CLCN5: variants seen among roughly 807,000 people sequenced by gnomAD.
CLCN5 encodes the protein Cl-/H+ antiporter 5, also known as H(+)/Cl(-) exchange transporter 5.
In CLCN5, 17 loss-of-function variants were observed where a neutral mutation model predicts 54.0. The ratio of observed to expected loss-of-function variants is 0.31; its 90% CI spans 0.22 to 0.47. CLCN5 has a LOEUF of 0.47. CLCN5 is among the 20% of genes least tolerant of loss of function. The pLI, the probability that CLCN5 is intolerant of heterozygous loss-of-function variation, is 1.00. For missense variants in CLCN5, 448 were observed against 646.7 expected, an observed-to-expected ratio of 0.69 and a Z score of 3.33; for synonymous variants, 222 against 233.0, an observed-to-expected ratio of 0.95 and a Z score of 0.43.
intron 3 of CLCN5, among the ~76,000 whole-genome samples, chrX:49,966,151 T>G (rs1215257939): frequency 1.8e-5 from 2 of 111,584 alleles, no homozygotes; most frequent in African/African-American, 3.3e-5. Flanking sequence ...ACTAGTATTA[T>G]TTCTTCCTTC....
At chrX:49,992,648 G>A (rs1426063540) in intron 3 of CLCN5, among the ~76,000 whole-genome samples, 1 of 111,468 alleles carries the variant, frequency 9.0e-6, no homozygotes, top group Non-Finnish European at 1.9e-5. Flanking sequence ...CTGAGTGTTC[G>A]GCATGTTGTT....
In CLCN5 at chrX:50,059,061, A is replaced by T. The variant is rs782592061; in HGVS notation, c.164-10818A>T. ...CATTCTTGACAGTTAATTTTTAAAA[A>T]TTTATTTTCTTTCTATTAAGTTTTA... On this transcript the variant is annotated intron_variant, in intron 4 of 14. Coordinates refer to ENST00000376091, the MANE Select transcript of CLCN5 (RefSeq NM_001127898.4). 8.9e-5 allele frequency among the ~76,000 whole-genome samples: 10 copies of T among 111,895 alleles called. No homozygotes were observed. In the South Asian group the frequency reaches 3.7e-3, roughly 42 times the overall value.
intron 4 of CLCN5, among the ~76,000 whole-genome samples, chrX:50,046,867 A>G (rs1319973733): frequency 9.0e-5 from 10 of 110,883 alleles, no homozygotes; most frequent in Non-Finnish European, 1.3e-4. Context: ...GTTCTGGACA[A>G]ATTTCAGAGG....
chrX:49,977,195 TTTTGAGGG>T (rs1265808301), intron 3 of CLCN5, among the ~76,000 whole-genome samples: 1 of 110,608 alleles, frequency 9.0e-6, no homozygotes, highest in Non-Finnish European at 1.9e-5. Context: ...AGTGTATCTA[TTTTGAGGG>T]AGGGGGAATT....
intron 3 of CLCN5, among the ~76,000 whole-genome samples, chrX:49,951,840 C>G (rs1167647299): frequency 9.0e-6 from 1 of 111,591 alleles, no homozygotes; most frequent in African/African-American, 3.3e-5. Flanking sequence ...GGTCAGATAC[C>G]TTGACATGTG....
chrX:49,961,034 C>T (rs782435368), intron 3 of CLCN5, among the ~76,000 whole-genome samples: 1 of 111,602 alleles, frequency 9.0e-6, no homozygotes, highest in East Asian at 2.8e-4. Context: ...TTATGTGTCC[C>T]AAGACACGCA....
chrX:49,955,062 G>A (rs189456746), intron 3 of CLCN5, among the ~76,000 whole-genome samples: 17 of 110,665 alleles, frequency 1.5e-4, no homozygotes, highest in African/African-American at 5.6e-4. Context: ...TTACTAACTC[G>A]CCTTTCATGT....
At chrX:50,019,335 A>G (rs1930948666) in intron 3 of CLCN5, among the ~76,000 whole-genome samples, 1 of 110,524 alleles carries the variant, frequency 9.0e-6, no homozygotes, top group Non-Finnish European at 1.9e-5. Context: ...ATGTAATTAT[A>G]CATATTTGTG....
intron 5 of CLCN5, among the ~76,000 whole-genome samples, chrX:50,070,604 A>G (rs782187197): frequency 9.8e-5 from 11 of 112,327 alleles, no homozygotes; most frequent in Middle Eastern, 4.7e-3. Flanking sequence ...ACTCCTTGTG[A>G]TTATTGATCT....
At chrX:50,003,475 T>A in intron 3 of CLCN5, 1 of 382,308 alleles carries the variant, frequency 2.6e-6, no homozygotes, top group Non-Finnish European at 5.2e-6. Flanking sequence ...CATACCCATA[T>A]GTCGTGCCAA....
Position 50,093,894 on chromosome X carries a change from C to T in CLCN5, c.*1675C>T, listed in dbSNP as rs1389105163. On this transcript the variant is annotated 3_prime_UTR_variant, in exon 15 of 15. Coordinates refer to ENST00000376091, the MANE Select transcript of CLCN5 (RefSeq NM_001127898.4). ...TGCTGCTGCCATGCCTCCATTTCCA[C>T]ACTGGATGCCTACGGCAGTGAGATT... The T allele has an allele frequency of 8.9e-6, 1 of 111,831 alleles. No individual in the cohort carries two copies. Among genetic ancestry groups the T allele is most frequent in the Non-Finnish European group, 1.9e-5 (1 of 53,212 alleles). The allele number at this position is 111,831 out of a possible 1,213,427, so 9.2% of individuals were successfully genotyped here.
intron 3 of CLCN5, among the ~76,000 whole-genome samples, chrX:50,012,942 G>A (rs1930584917): frequency 8.9e-6 from 1 of 111,854 alleles, no homozygotes; most frequent in Admixed American, 9.5e-5. Flanking sequence ...CATTGCTCAT[G>A]TACGTTCCCA....
chrX:49,948,024 C>G (rs1557172466), intron 3 of CLCN5, among the ~76,000 whole-genome samples: 1 of 111,068 alleles, frequency 9.0e-6, no homozygotes, highest in African/African-American at 3.3e-5. Context: ...TTCTGCCTGC[C>G]TCTGTCACTG....
chrX:50,005,960 G>A (rs2147388037), intron 3 of CLCN5, among the ~76,000 whole-genome samples: 1 of 112,206 alleles, frequency 8.9e-6, no homozygotes, highest in East Asian at 2.8e-4. Context: ...GTGTTTTCTT[G>A]TTTCTAGATA....
intron 3 of CLCN5, among the ~76,000 whole-genome samples, chrX:50,001,790 T>C (rs782241646): frequency 1.8e-5 from 2 of 110,475 alleles, no homozygotes; most frequent in Non-Finnish European, 3.8e-5. Context: ...AAGACTTAAA[T>C]GTTAGTCCCA....
chrX:50,032,109 C>T (rs1456472210), intron 3 of CLCN5, among the ~76,000 whole-genome samples: 1 of 110,329 alleles, frequency 9.1e-6, no homozygotes, highest in Non-Finnish European at 1.9e-5. Context: ...TTTCTTAATC[C>T]AGTCTATCAT....
chrX:49,923,619 T>A (rs1346187787), intron 2 of CLCN5, 137 bp downstream of exon 2: 1 of 112,497 alleles, frequency 8.9e-6, no homozygotes, highest in Non-Finnish European at 1.9e-5. Context: ...CACGGGACGA[T>A]GATCATTACT....
intron 3 of CLCN5, among the ~76,000 whole-genome samples, chrX:49,975,316 A>G (rs1442190336): frequency 8.9e-6 from 1 of 112,064 alleles, no homozygotes; most frequent in Non-Finnish European, 1.9e-5. Context: ...TAGTAGAAAG[A>G]AAATCAAAGT....
chrX:50,056,879 A>T (rs1412936754), intron 4 of CLCN5, among the ~76,000 whole-genome samples: 1 of 111,730 alleles, frequency 9.0e-6, no homozygotes, highest in African/African-American at 3.3e-5. Flanking sequence ...ACTTCATTTC[A>T]ATATCATAGA....
Sources: gnomAD v4.1 joint callset for allele counts (sites outside exome capture counted in the v4.1 genomes callset) on GRCh38, gnomAD v4.1.1 for gene constraint, MANE v1.5 for transcripts, NCBI Gene and HGNC (gene_info 2026-07-23, HGNC 2026-07-21) for gene names.